The following IREB2 variants were observed in gnomAD, a reference collection of about 807,000 sequenced individuals.
IREB2 encodes the protein iron responsive element binding protein 2, also known as iron-responsive element-binding protein 2.
In IREB2, 39 loss-of-function variants were observed where a neutral mutation model predicts 118.8. That is an observed-to-expected ratio of 0.33 (90% confidence interval 0.25 to 0.43). The LOEUF is 0.43. IREB2 is among the 20% of genes least tolerant of loss of function. IREB2 has a pLI of 1.00. For missense variants in IREB2, 900 were observed against 1,147.3 expected (o/e 0.78, Z 3.11); for synonymous variants, 372 against 392.2 (o/e 0.95, Z 0.61).
chr15:78,461,179 A>G (rs1344199464), intron 2 of IREB2, among the ~76,000 whole-genome samples: 3 of 152,190 alleles, frequency 2.0e-5, no homozygotes, highest in Admixed American at 1.3e-4. Flanking sequence ...GATATTTACA[A>G]ATTGGCTAAC....
At chr15:78,458,033 C>T (rs990216405) in intron 2 of IREB2, among the ~76,000 whole-genome samples, 7 of 151,930 alleles carry the variant, frequency 4.6e-5, no homozygotes, top group Non-Finnish European at 8.8e-5. Context: ...ACTAGATAGA[C>T]GAGGTAAGGA....
chr15:78,443,885 G>A (rs1489719371), intron 2 of IREB2, among the ~76,000 whole-genome samples: 5 of 151,984 alleles, frequency 3.3e-5, no homozygotes, highest in African/African-American at 1.2e-4. Flanking sequence ...ACCTCAAGCA[G>A]TCCTCCTGCC....
At chr15:78,471,313 T>C (rs1255383790) in intron 6 of IREB2, among the ~76,000 whole-genome samples, 2 of 152,222 alleles carry the variant, frequency 1.3e-5, no homozygotes, top group East Asian at 1.9e-4. Flanking sequence ...CCAGCCACTT[T>C]AGTAGTTTCT....
At chr15:78,484,703 C>T (rs995073322) in intron 11 of IREB2, 58 bp from the exon 12 acceptor site, 1 of 1,275,262 alleles carries the variant, frequency 7.8e-7, no homozygotes, top group Non-Finnish European at 1.1e-6. Context: ...TTCTGCCAGT[C>T]TTTTATTCTG....
chr15:78,488,476 T>A (rs2051696147), intron 15 of IREB2, 140 bp downstream of exon 15: 1 of 974,144 alleles, frequency 1.0e-6, no homozygotes, highest in African/African-American at 1.7e-5. Flanking sequence ...TATTAATTTC[T>A]GTGTTTATGT....
chr15:78,489,235 AAAAG>A (rs1369524554), intron 16 of IREB2, among the ~76,000 whole-genome samples: 18 of 152,028 alleles, frequency 1.2e-4, no homozygotes, highest in South Asian at 2.1e-4. Flanking sequence ...AAAAAAAAAA[AAAAG>A]AAAGAAAATG....
At chr15:78,472,008 G>A in intron 7 of IREB2, 84 bp downstream of exon 7, 1 of 1,058,456 alleles carries the variant, frequency 9.4e-7, no homozygotes, top group Non-Finnish European at 1.3e-6. Flanking sequence ...TATTGAGTTT[G>A]TATAGCCTCT....
intron 5 of IREB2, among the ~76,000 whole-genome samples, chr15:78,468,511 T>C (rs1159854541): frequency 6.6e-6 from 1 of 151,580 alleles, no homozygotes; most frequent in Non-Finnish European, 1.5e-5. Context: ...CGCAAAGTGC[T>C]GGGACTGCAG....
intron 6 of IREB2, among the ~76,000 whole-genome samples, chr15:78,471,198 G>T (rs1271678856): frequency 6.7e-6 from 1 of 148,666 alleles, no homozygotes; most frequent in African/African-American, 2.5e-5. Context: ...TAGTAGAGAC[G>T]GGGTTTTGCC....
rs529654740 is a variant in IREB2, at chr15:78,490,639, C to G, written c.2202C>G (p.Leu734=). The G allele has an allele frequency of 1.2e-5, 19 of 1,613,944 alleles. No homozygotes were observed. The highest frequency in any genetic ancestry group is 1.5e-5 in the Non-Finnish European group (18 of 1,179,958). ...TCTAGACCAAAGAGCCAATTGCACT[C>G]CAGGCTATTGAAAATGCCCATGTCT... ...FDKLTKEPIA[L]QAIENAHVLL... The change falls in exon 18 of 22, where the codon CTC becomes CTG. Residue 734 remains leucine (L), a synonymous_variant. Coordinates refer to ENST00000258886, the MANE Select transcript of IREB2 (RefSeq NM_004136.4).
At chr15:78,447,358 T>G (rs2050948346) in intron 2 of IREB2, among the ~76,000 whole-genome samples, 1 of 148,892 alleles carries the variant, frequency 6.7e-6, no homozygotes. Context: ...TGAGACGGAC[T>G]CTTGCTCTGT....
At chr15:78,486,017 G>T (rs1411354890) in intron 13 of IREB2, among the ~76,000 whole-genome samples, 177 bp downstream of exon 13, 2 of 152,142 alleles carry the variant, frequency 1.3e-5, no homozygotes, top group Non-Finnish European at 2.9e-5. Flanking sequence ...CACTTATTGG[G>T]CATATCAAAT....
intron 2 of IREB2, among the ~76,000 whole-genome samples, chr15:78,450,918 A>G (rs12909921): frequency 0.36 from 54,860 of 150,842 alleles, 10,668 homozygotes; most frequent in East Asian, 0.47. Flanking sequence ...GAAGTTCTGC[A>G]TAACTTGATG....
At chr15:78,459,436 G>A (rs2051160942) in intron 2 of IREB2, among the ~76,000 whole-genome samples, 1 of 152,096 alleles carries the variant, frequency 6.6e-6, no homozygotes. Flanking sequence ...TGTAGAATCT[G>A]CCTCCTGGGT....
At chr15:78,482,470 A>T (rs1267465891) in intron 10 of IREB2, among the ~76,000 whole-genome samples, 1 of 152,220 alleles carries the variant, frequency 6.6e-6, no homozygotes, top group Non-Finnish European at 1.5e-5. Context: ...GAGTTGCAGC[A>T]GGCTGGCCAG....
chr15:78,442,803 T>C (rs564595597), intron 2 of IREB2, among the ~76,000 whole-genome samples: 7 of 152,358 alleles, frequency 4.6e-5, no homozygotes, highest in African/African-American at 1.7e-4. Context: ...CCAGGCATTA[T>C]GTCCAAGTTA....
Position 78,480,967 on chromosome 15 carries a change from C to A in IREB2, c.1297-2351C>A, listed in dbSNP as rs554948557. Among the ~76,000 whole-genome samples, 4 of 151,778 alleles carry A rather than the reference C, an allele frequency of 2.6e-5. No homozygotes were observed. In the South Asian group the frequency reaches 8.3e-4, roughly 32 times the overall value. On this transcript the variant is annotated intron_variant, in intron 10 of 21. Transcript: ENST00000258886. Reference sequence around the variant, plus strand: ...GAGGTTGCAATGAGCTGAGATGGCACCACTGTATTCCAGCCTGGGCAACAG... The same window carrying A: ...GAGGTTGCAATGAGCTGAGATGGCAACACTGTATTCCAGCCTGGGCAACAG...
chr15:78,483,806 C>CA (rs2051614440), intron 11 of IREB2, among the ~76,000 whole-genome samples: 1 of 143,392 alleles, frequency 7.0e-6, no homozygotes, highest in East Asian at 2.0e-4. Flanking sequence ...TTTTTTGAGA[C>CA]AGAGTCTCAC....
At position 78,466,368 on chromosome 15, in the gene IREB2, G is replaced by A. The variant is rs1237754343; in HGVS notation, c.508G>A (p.Gly170Ser). The change falls in exon 5 of 22, where the codon GGC becomes AGC. Residue 170 changes from glycine (G) to serine (S), a missense_variant. By Grantham distance (56) the Gly-to-Ser change is moderately conservative (BLOSUM62 0). Transcript: ENST00000258886. The stretch of plus-strand genomic sequence containing the variant: ...GCAGCCTAAGAAGCTTCCCTGCAGA[G>A]GCCAGACTACCTGCCGAGGATCTTG... The part of the protein sequence containing the change: ...KVQPKKLPCR[G>S]QTTCRGSCDS... 1 of 1,613,966 alleles carries A rather than the reference G, an allele frequency of 6.2e-7. No homozygotes were observed. Among genetic ancestry groups the A allele is most frequent in the East Asian group, 2.2e-5 (1 of 44,876 alleles).
Sources: gnomAD v4.1 joint callset for allele counts (sites outside exome capture counted in the v4.1 genomes callset) on GRCh38, gnomAD v4.1.1 for gene constraint, MANE v1.5 for transcripts, NCBI Gene and HGNC (gene_info 2026-07-23, HGNC 2026-07-21) for gene names.